The following GPD2 variants were observed in gnomAD, a reference collection of about 807,000 sequenced individuals.
The protein encoded by GPD2 is glycerol-3-phosphate dehydrogenase, mitochondrial.
Under a neutral mutation model 82.4 loss-of-function variants are expected in GPD2, and 54 were observed. The observed-to-expected ratio is 0.66, with a 90% CI of 0.53 to 0.82. GPD2 has a LOEUF of 0.82. GPD2 is among the 40% of genes least tolerant of loss of function. The pLI is 0.00. For missense variants in GPD2, 748 were observed against 896.2 expected (o/e 0.83, Z 2.11); for synonymous variants, 288 against 306.1 (o/e 0.94, Z 0.62).
At chr2:156,553,443 A>G (rs796660967) in intron 8 of GPD2, among the ~76,000 whole-genome samples, 7 of 152,330 alleles carry the variant, frequency 4.6e-5, no homozygotes, top group African/African-American at 1.7e-4. Flanking sequence ...AATTCAAACT[A>G]TGAAAATAAA....
chr2:156,440,058 T>C (rs1478562745), intron 1 of GPD2, among the ~76,000 whole-genome samples: 1 of 152,178 alleles, frequency 6.6e-6, no homozygotes, highest in Non-Finnish European at 1.5e-5. Context: ...ACTAAGAAGA[T>C]ATTATTAAGT....
At chr2:156,479,275 T>G (rs1220713466) in intron 2 of GPD2, among the ~76,000 whole-genome samples, 1 of 152,218 alleles carries the variant, frequency 6.6e-6, no homozygotes, top group African/African-American at 2.4e-5. Context: ...GTGGTTTCAC[T>G]TACCTTTAAT....
chr2:156,573,181 T>G (rs1687699902), intron 13 of GPD2, among the ~76,000 whole-genome samples: 3 of 152,180 alleles, frequency 2.0e-5, no homozygotes, highest in African/African-American at 7.2e-5. Flanking sequence ...ATCCTGATCA[T>G]GCCTCTGACA....
chr2:156,406,042 G>T, the GPD2 span, among the ~76,000 whole-genome samples: 1 of 149,304 alleles, frequency 6.7e-6, no homozygotes, highest in Non-Finnish European at 1.5e-5. Context: ...CCAAAGCAAT[G>T]CCTTTTTTTT....
At chr2:156,549,916 G>T in intron 7 of GPD2, 144 bp downstream of exon 7, 1 of 765,884 alleles carries the variant, frequency 1.3e-6, no homozygotes. Context: ...TGTCAGCAAT[G>T]ACTGGTTTAA....
intron 2 of GPD2, among the ~76,000 whole-genome samples, chr2:156,493,058 C>T (rs1475073772): frequency 6.6e-6 from 1 of 152,130 alleles, no homozygotes; most frequent in Non-Finnish European, 1.5e-5. Context: ...AAGATTTTCT[C>T]TCTCTCTCTT....
At chr2:156,500,940 C>T (rs1416838502) in intron 3 of GPD2, among the ~76,000 whole-genome samples, 2 of 152,154 alleles carry the variant, frequency 1.3e-5, no homozygotes, top group Non-Finnish European at 2.9e-5. Context: ...CTCTGTGTCC[C>T]GTTCTAGGAC....
At chr2:156,561,452 C>T (rs1005337838) in intron 9 of GPD2, among the ~76,000 whole-genome samples, 9 of 151,992 alleles carry the variant, frequency 5.9e-5, no homozygotes, top group Non-Finnish European at 2.9e-5. Context: ...TCTGATTGTT[C>T]GTTCTGGGTT....
chr2:156,415,491 G>A, the GPD2 span, among the ~76,000 whole-genome samples: 1 of 152,064 alleles, frequency 6.6e-6, no homozygotes, highest in South Asian at 2.1e-4. Context: ...TGTCCTCATA[G>A]CTTAGCTCCC....
chr2:156,400,527 C>G, the GPD2 span, among the ~76,000 whole-genome samples: 2 of 152,244 alleles, frequency 1.3e-5, no homozygotes, highest in Admixed American at 1.3e-4. Context: ...AGGCTCCCGA[C>G]GTCCAGCAGA....
At position 156,445,899 on chromosome 2, in the gene GPD2, A is replaced by C. The variant is rs548974539; in HGVS notation, c.-9+9386A>C. On this transcript the variant is annotated intron_variant, in intron 1 of 16. Coordinates refer to ENST00000438166, the MANE Select transcript of GPD2 (RefSeq NM_000408.5). The stretch of plus-strand genomic sequence containing the variant: ...CAACCATCATAACTGAAAGGCCTGA[A>C]AATAGATACAAGCTCAAGCACAAGT... Among the ~76,000 whole-genome samples the C allele has an allele frequency of 9.8e-5, 15 of 152,334 alleles. No individual in the cohort carries two copies. The South Asian group carries it at 1.2e-3, about 13-fold the overall frequency.
chr2:156,529,800 C>G (rs1307942547), intron 6 of GPD2, among the ~76,000 whole-genome samples: 1 of 151,850 alleles, frequency 6.6e-6, no homozygotes, highest in Admixed American at 6.6e-5. Context: ...TGATCTATAT[C>G]TCTGTTTTCG....
chr2:156,581,563 G>GT (rs975080265), intron 16 of GPD2, among the ~76,000 whole-genome samples: 10 of 152,014 alleles, frequency 6.6e-5, no homozygotes, highest in African/African-American at 2.4e-4. Context: ...TATTTGAAGG[G>GT]TTTTTTTAGT....
At chr2:156,531,917 C>A (rs1238375904) in intron 6 of GPD2, among the ~76,000 whole-genome samples, 1 of 152,134 alleles carries the variant, frequency 6.6e-6, no homozygotes, top group Non-Finnish European at 1.5e-5. Context: ...CCTACTCCAC[C>A]AAAAGGGCTG....
the GPD2 span, among the ~76,000 whole-genome samples, chr2:156,403,181 C>T: frequency 4.6e-4 from 69 of 150,772 alleles, no homozygotes; most frequent in African/African-American, 1.7e-3. Flanking sequence ...TTACTAGTGG[C>T]CTACCTAAAG....
At chr2:156,474,695 T>C (rs1176481599) in intron 1 of GPD2, among the ~76,000 whole-genome samples, 4 of 152,214 alleles carry the variant, frequency 2.6e-5, no homozygotes, top group Non-Finnish European at 5.9e-5. Flanking sequence ...TCTTAGTTTC[T>C]GAAAGAGTTA....
chr2:156,433,473 A>G (rs559705735), upstream of GPD2, among the ~76,000 whole-genome samples: 4 of 152,148 alleles, frequency 2.6e-5, no homozygotes, highest in East Asian at 1.9e-4. Flanking sequence ...CCAACTCCCT[A>G]TGATTTCATC....
the GPD2 span, among the ~76,000 whole-genome samples, chr2:156,414,275 C>G: frequency 6.6e-6 from 1 of 152,194 alleles, no homozygotes; most frequent in East Asian, 1.9e-4. Flanking sequence ...TGTTTTAAAG[C>G]AGAGTATTGT....
chr2:156,448,347 A>T (rs1175882081), intron 1 of GPD2, among the ~76,000 whole-genome samples: 2 of 152,040 alleles, frequency 1.3e-5, no homozygotes, highest in African/African-American at 4.8e-5. Context: ...TGACCTCGTG[A>T]TCCACCACCT....
Sources: gnomAD v4.1 joint callset for allele counts (sites outside exome capture counted in the v4.1 genomes callset) on GRCh38, gnomAD v4.1.1 for gene constraint, MANE v1.5 for transcripts, NCBI Gene and HGNC (gene_info 2026-07-23, HGNC 2026-07-21) for gene names.